The following MYO9B variants were observed in gnomAD, a reference collection of about 807,000 sequenced individuals.
MYO9B encodes the protein unconventional myosin-IXb.
MYO9B carries 71 observed loss-of-function variants against 229.5 expected under a neutral mutation model. The ratio of observed to expected loss-of-function variants is 0.31; its 90% CI spans 0.26 to 0.38. The LOEUF is 0.38. MYO9B is among the 10% of genes least tolerant of loss of function. The probability of loss-of-function intolerance (pLI) is 1.00; values close to 1 mark genes in which losing one functional copy is unlikely to be tolerated. For missense variants in MYO9B, 2,255 were observed against 2,920.5 expected, an observed-to-expected ratio of 0.77 and a Z score of 5.25; for synonymous variants, 1,185 against 1,235.8, an observed-to-expected ratio of 0.96 and a Z score of 0.86.
At chr19:17,185,041 G>A in intron 17 of MYO9B, 54 bp downstream of exon 17, 1 of 1,611,562 alleles carries the variant, frequency 6.2e-7, no homozygotes, top group South Asian at 1.1e-5. Flanking sequence ...TCAGGCTTGT[G>A]TAGCTTCACC....
chr19:17,179,705 G>A (rs1274240487), intron 14 of MYO9B, among the ~76,000 whole-genome samples: 2 of 151,560 alleles, frequency 1.3e-5, no homozygotes, highest in South Asian at 2.1e-4. Flanking sequence ...GGGATTACAG[G>A]CATGAGCCAC....
At chr19:17,117,123 G>A (rs1886032306) in intron 2 of MYO9B, among the ~76,000 whole-genome samples, 1 of 152,130 alleles carries the variant, frequency 6.6e-6, no homozygotes, top group Non-Finnish European at 1.5e-5. Context: ...CAAATGTTCT[G>A]GGGGTTTTAC....
chr19:17,181,055 A>T lies in MYO9B; in HGVS notation c.2333+15A>T. 6.4e-7 allele frequency: 1 copy of T among 1,572,340 alleles called. No homozygotes were observed. Among genetic ancestry groups the T allele is most frequent in the Admixed American group, 1.8e-5 (1 of 57,002 alleles). On this transcript the variant is annotated intron_variant, in intron 15 of 39. Transcript: ENST00000682292. ...GCCTTCATCCTGTGAGTCCCCCACC[A>T]AGGCCCTGCTTACAAGTGCGACAAC...
intron 33 of MYO9B, 97 bp from the exon 34 acceptor site, chr19:17,206,582 G>A (rs2073164687): frequency 7.6e-7 from 1 of 1,314,788 alleles, no homozygotes; most frequent in Admixed American, 2.0e-5. Context: ...GCACCACAGG[G>A]TGGATGGCAC....
intron 13 of MYO9B, 115 bp from the exon 14 acceptor site, chr19:17,175,548 C>T: frequency 5.0e-6 from 4 of 807,652 alleles, no homozygotes; most frequent in Non-Finnish European, 7.5e-6. Flanking sequence ...CACTGTGCTC[C>T]AGCCTGGGTG....
chr19:17,129,131 G>A (rs553475125), intron 2 of MYO9B, among the ~76,000 whole-genome samples: 6 of 152,220 alleles, frequency 3.9e-5, no homozygotes, highest in African/African-American at 1.4e-4. Context: ...GGGCATGGTG[G>A]CTCACACCTG....
intron 2 of MYO9B, among the ~76,000 whole-genome samples, chr19:17,116,534 A>G (rs1440420073): frequency 1.3e-5 from 2 of 152,252 alleles, no homozygotes; most frequent in South Asian, 4.1e-4. Context: ...GCGGCTGGGA[A>G]CAAGGCAGTG....
Position 17,209,680 on chromosome 19 carries a change from C to A in MYO9B, c.5719C>A (p.Arg1907Ser). 6.2e-7 allele frequency: 1 copy of A among 1,613,442 alleles called. No individual in the cohort carries two copies. ...GGAGGCTGCAGAGAGTATCGCCTTC[C>A]GCAGGCTTTCGCTCCTGCGACAAAA... ...QLEAAESIAF[R>S]RLSLLRQNAP... Residue 1907 changes from arginine to serine, a missense_variant, in exon 36 of 40, where the codon CGC becomes AGC. Transcript: ENST00000682292.
chr19:17,174,187 G>A (rs186486891), intron 13 of MYO9B, among the ~76,000 whole-genome samples: 13 of 151,986 alleles, frequency 8.6e-5, no homozygotes, highest in South Asian at 4.2e-4. Context: ...CCGCCACCAC[G>A]CCTGGCTAAT....
chr19:17,180,639 C>T (rs6512174), intron 14 of MYO9B: 164,835 of 248,070 alleles, frequency 0.66, 57,346 homozygotes, highest in African/African-American at 0.92. Flanking sequence ...TGTGAGCCAC[C>T]GCACCCAGCT....
At chr19:17,126,066 C>T (rs2058014915) in intron 2 of MYO9B, among the ~76,000 whole-genome samples, 1 of 152,196 alleles carries the variant, frequency 6.6e-6, no homozygotes, top group African/African-American at 2.4e-5. Flanking sequence ...TTGTGCCTGG[C>T]TGGCATCATC....
intron 8 of MYO9B, among the ~76,000 whole-genome samples, chr19:17,161,092 G>A (rs573136388): frequency 1.3e-5 from 2 of 151,980 alleles, no homozygotes; most frequent in African/African-American, 4.8e-5. Context: ...GAGCCACCAC[G>A]TCCGGCCACA....
intron 14 of MYO9B, among the ~76,000 whole-genome samples, chr19:17,179,350 T>C (rs2072828426): frequency 6.6e-6 from 1 of 150,588 alleles, no homozygotes; most frequent in African/African-American, 2.4e-5. Context: ...CACAAAATCA[T>C]GGAGAGAGAC....
intron 26 of MYO9B, 36 bp from the exon 27 acceptor site, chr19:17,201,890 C>T (rs1428564632): frequency 6.4e-7 from 1 of 1,554,054 alleles, no homozygotes; most frequent in Non-Finnish European, 8.8e-7. Context: ...GTCCCCAGGC[C>T]TGAGGCACGC....
chr19:17,122,449 G>A (rs1459071801), intron 2 of MYO9B, among the ~76,000 whole-genome samples: 4 of 152,104 alleles, frequency 2.6e-5, no homozygotes, highest in Non-Finnish European at 5.9e-5. Context: ...TGAGGCAGGA[G>A]AATTGCTTGA....
intron 19 of MYO9B, among the ~76,000 whole-genome samples, chr19:17,190,064 C>CAA (rs36086676): frequency 7.9e-6 from 1 of 127,168 alleles, no homozygotes. Context: ...GACTCCGTCT[C>CAA]AAAAAAAAAA....
Position 17,212,366 on chromosome 19 carries a change from G to C in MYO9B, c.*56G>C. 7.1e-7 allele frequency: 1 copy of C among 1,416,328 alleles called. No homozygotes were observed. The highest frequency in any genetic ancestry group is 9.2e-7 in the Non-Finnish European group (1 of 1,088,752). The allele number at this position is 1,416,328 out of a possible 1,614,324, so 87.7% of individuals were successfully genotyped here. On this transcript the variant is annotated 3_prime_UTR_variant, in exon 40 of 40. Transcript: ENST00000682292. The surrounding 1 kb of genome is among the most constrained non-coding windows in gnomAD (Gnocchi z 5.4). ...AGGACGGCCCCTGCACTGGAGCTGGGCGCCAGAGCTGCAGAGCTAGTGTTC... is the reference window on the plus strand; with the variant it reads ...AGGACGGCCCCTGCACTGGAGCTGGCCGCCAGAGCTGCAGAGCTAGTGTTC...
chr19:17,102,712 G>A (rs1363113051), intron 2 of MYO9B, among the ~76,000 whole-genome samples, 155 bp downstream of exon 2: 1 of 149,142 alleles, frequency 6.7e-6, no homozygotes, highest in Admixed American at 6.7e-5. Flanking sequence ...ATCAGCCTGG[G>A]CAACATAGCA....
chr19:17,202,009 G>A lies in MYO9B; in HGVS notation c.4647G>A (p.Thr1549=), dbSNP rs1224687572. The change falls in exon 27 of 40, where the codon ACG becomes ACA. Residue 1549 remains threonine, a synonymous_variant. Coordinates refer to ENST00000682292, the MANE Select transcript of MYO9B (RefSeq NM_004145.4). ...AGAAGTTCAGGAGCAACATCAAAAC[G>A]ATGTACTCTGTCCCGGTATGTGGCG... ...ATEKFRSNIK[T]MYSVPNGKIH... is the part of the protein sequence containing the mutation. 29 of 1,612,586 alleles carry A rather than the reference G, an allele frequency of 1.8e-5. No individual in the cohort carries two copies. The highest frequency in any genetic ancestry group is 1.8e-5 in the Non-Finnish European group (21 of 1,179,454).
Sources: allele counts gnomAD v4.1 joint callset (sites outside exome capture counted in the v4.1 genomes callset), GRCh38; gene constraint gnomAD v4.1.1; non-coding constraint Gnocchi (gnomAD v3.1); transcripts MANE v1.5; gene names NCBI Gene and HGNC (gene_info 2026-07-23, HGNC 2026-07-21).